The following CYP51A1 variants were observed in gnomAD, a reference collection of about 807,000 sequenced individuals.
CYP51A1 encodes the protein lanosterol 14-alpha demethylase.
In CYP51A1, 45 loss-of-function variants were observed where a neutral mutation model predicts 53.5. The ratio of observed to expected loss-of-function variants is 0.84; its 90% CI spans 0.66 to 1.08. The LOEUF is 1.08. Among genes scored for constraint, CYP51A1 ranks in the 50% least tolerant of loss-of-function variants. The pLI is 0.00. For synonymous variants in CYP51A1, 181 were observed against 217.7 expected (o/e 0.83, Z 1.48); for missense variants, 462 against 621.7 (o/e 0.74, Z 2.73).
chr7:92,125,460 G>A (rs1819780062), intron 5 of CYP51A1, among the ~76,000 whole-genome samples: 1 of 152,116 alleles, frequency 6.6e-6, no homozygotes, highest in Non-Finnish European at 1.5e-5. Context: ...CTACTAATAT[G>A]CAAAACACTA....
intron 2 of CYP51A1, among the ~76,000 whole-genome samples, chr7:92,131,496 G>C (rs1272677496): frequency 6.6e-6 from 1 of 152,170 alleles, no homozygotes; most frequent in Non-Finnish European, 1.5e-5. Context: ...TAAGTGAATA[G>C]AAAACTCAGA....
At chr7:92,123,420 G>T in intron 6 of CYP51A1, 105 bp from the exon 7 acceptor site, 1 of 1,012,802 alleles carries the variant, frequency 9.9e-7, no homozygotes, top group Non-Finnish European at 1.5e-6. Context: ...AGGTATAGTG[G>T]TCTCTTATAT....
chr7:92,124,905 A>G (rs1819764272), intron 5 of CYP51A1, among the ~76,000 whole-genome samples: 3 of 152,302 alleles, frequency 2.0e-5, no homozygotes, highest in East Asian at 1.9e-4. Flanking sequence ...GCACTATGGG[A>G]GGCCGAGGCG....
intron 1 of CYP51A1, among the ~76,000 whole-genome samples, chr7:92,133,562 C>A (rs2130960040): frequency 6.6e-6 from 1 of 152,298 alleles, no homozygotes; most frequent in Non-Finnish European, 1.5e-5. Flanking sequence ...CCACTGCTCC[C>A]GGCCGAGAAA....
chr7:92,113,979 TAAAAC>T lies in CYP51A1; in HGVS notation c.1352-141_1352-137del, dbSNP rs957740731. 1.2e-5 allele frequency: 7 copies of T among 577,878 alleles called. No individual in the cohort carries two copies. In the African/African-American group the frequency reaches 1.3e-4, roughly 11 times the overall value. 35.8% of individuals were successfully genotyped at this position (577,878 alleles called of 1,614,324 possible). On this transcript the variant is annotated intron_variant, in intron 9 of 9. Coordinates refer to ENST00000003100, the MANE Select transcript of CYP51A1 (RefSeq NM_000786.4). ...ATAAAAAGATGACATTCTTTTCACA[TAAAAC>T]AACATGAATTATTAAAAATTCCAGG...
intron 9 of CYP51A1, among the ~76,000 whole-genome samples, 155 bp downstream of exon 9, chr7:92,116,888 TC>T (rs1424121100): frequency 1.3e-5 from 2 of 152,220 alleles, no homozygotes; most frequent in Non-Finnish European, 2.9e-5. Flanking sequence ...GAAATATTTT[TC>T]TCCAACTTAT....
chr7:92,124,121 A>G (rs1046685314), intron 5 of CYP51A1, among the ~76,000 whole-genome samples: 19 of 152,202 alleles, frequency 1.2e-4, no homozygotes, highest in African/African-American at 4.6e-4. Context: ...CCTGTGTTCA[A>G]ACTAAAGGCC....
chr7:92,132,002 G>T, intron 1 of CYP51A1, 130 bp from the exon 2 acceptor site: 2 of 596,410 alleles, frequency 3.4e-6, no homozygotes. Context: ...AAAAAAAAAG[G>T]AAGCATCAGA....
intron 7 of CYP51A1, 68 bp downstream of exon 7, chr7:92,123,052 C>G (rs1819720923): frequency 8.2e-7 from 1 of 1,225,480 alleles, no homozygotes; most frequent in South Asian, 1.5e-5. Context: ...TCAAATTGTC[C>G]CTTTTAAAAA....
intron 2 of CYP51A1, among the ~76,000 whole-genome samples, chr7:92,131,372 T>C (rs1346264088): frequency 6.6e-6 from 1 of 152,220 alleles, no homozygotes; most frequent in Non-Finnish European, 1.5e-5. Flanking sequence ...TGGTGTCATG[T>C]GGGTCATTCA....
Position 92,134,169 on chromosome 7 carries a change from G to C in CYP51A1, c.192+4C>G. ...CCCACTCAGACCCTAAAGAATGTAC[G>C]TACCACCCCTGCGGGCAGCTGGACC... On this transcript the variant is annotated splice_donor_region_variant and intron_variant, in intron 1 of 9. Coordinates refer to ENST00000003100, the MANE Select transcript of CYP51A1 (RefSeq NM_000786.4). 3 of 1,611,296 alleles carry C rather than the reference G, an allele frequency of 1.9e-6. No individual in the cohort carries two copies. The highest frequency in any genetic ancestry group is 2.5e-6 in the Non-Finnish European group (3 of 1,179,562).
intron 1 of CYP51A1, among the ~76,000 whole-genome samples, chr7:92,133,525 C>T (rs1305794830): frequency 6.6e-6 from 1 of 152,214 alleles, no homozygotes; most frequent in East Asian, 1.9e-4. Context: ...CTTCGGCCTC[C>T]CGAAGTGCTG....
chr7:92,113,831 C>G lies in CYP51A1; in HGVS notation c.1364G>C (p.Cys455Ser). The G allele has an allele frequency of 6.3e-7, 1 of 1,598,178 alleles. No homozygotes were observed. The highest frequency in any genetic ancestry group is 1.4e-5 in the African/African-American group (1 of 73,930). The change falls in exon 10 of 10, where the codon TGT becomes TCT. Residue 455 changes from cysteine (C) to serine (S), a missense_variant. Cys to Ser is a moderately radical substitution (Grantham distance 112). Coordinates refer to ENST00000003100, the MANE Select transcript of CYP51A1 (RefSeq NM_000786.4). Reference protein sequence around the residue: ...YVPFGAGRHRCIGENFAYVQI... With the variant: ...YVPFGAGRHRSIGENFAYVQI... ...AACATAGGCAAAATTTTCCCCAATACAACGATGACGCCCTAAAAAAAAGAA... is the reference window on the plus strand; with the variant it reads ...AACATAGGCAAAATTTTCCCCAATAGAACGATGACGCCCTAAAAAAAAGAA...
intron 6 of CYP51A1, 70 bp downstream of exon 6, chr7:92,123,664 A>G (rs1158677230): frequency 7.1e-7 from 1 of 1,417,696 alleles, no homozygotes; most frequent in Non-Finnish European, 9.5e-7. Flanking sequence ...TTAACTGGAA[A>G]TACTATTTAA....
At chr7:92,115,466 A>G (rs1819564429) in intron 9 of CYP51A1, among the ~76,000 whole-genome samples, 1 of 152,220 alleles carries the variant, frequency 6.6e-6, no homozygotes, top group Non-Finnish European at 1.5e-5. Flanking sequence ...CAATGTAGTT[A>G]CAAGCCAAGG....
In CYP51A1 at chr7:92,113,385, A is replaced by T. The variant is rs115141387; in HGVS notation, c.*280T>A. 2.1e-4 allele frequency: 65 copies of T among 311,212 alleles called. No homozygotes were observed. The highest frequency in any genetic ancestry group is 1.4e-3 in the African/African-American group (61 of 44,870). 19.3% of individuals were successfully genotyped at this position (311,212 alleles called of 1,614,324 possible). On this transcript the variant is annotated 3_prime_UTR_variant, in exon 10 of 10. Coordinates refer to ENST00000003100, the MANE Select transcript of CYP51A1 (RefSeq NM_000786.4). ...TTACTATCTGGAAATTATATTATTT[A>T]GAATCTGCCAATTACCTAGATCCCC...
chr7:92,119,722 A>C (rs1819648440), intron 7 of CYP51A1, among the ~76,000 whole-genome samples: 1 of 152,218 alleles, frequency 6.6e-6, no homozygotes, highest in Non-Finnish European at 1.5e-5. Context: ...TACAAAAAAC[A>C]CACCAAAACA....
intron 2 of CYP51A1, among the ~76,000 whole-genome samples, chr7:92,129,435 G>T (rs908542704): frequency 6.6e-6 from 1 of 152,104 alleles, no homozygotes; most frequent in African/African-American, 2.4e-5. Flanking sequence ...TGAAAATATA[G>T]ACTTCTTCCC....
At chr7:92,125,517 C>T (rs939369290) in intron 5 of CYP51A1, among the ~76,000 whole-genome samples, 1 of 152,216 alleles carries the variant, frequency 6.6e-6, no homozygotes, top group African/African-American at 2.4e-5. Context: ...TTCTTTATAT[C>T]AGAGGCAGTC....
Sources: gnomAD v4.1 joint callset for allele counts (sites outside exome capture counted in the v4.1 genomes callset) on GRCh38, gnomAD v4.1.1 for gene constraint, MANE v1.5 for transcripts, NCBI Gene and HGNC (gene_info 2026-07-23, HGNC 2026-07-21) for gene names.